TTC17: variants seen among roughly 807,000 people sequenced by gnomAD.
TTC17 encodes tetratricopeptide repeat protein 17.
In TTC17, 58 loss-of-function variants were observed where a neutral mutation model predicts 143.8. That is an observed-to-expected ratio of 0.40 (90% CI 0.33 to 0.50). TTC17 has a LOEUF of 0.50. Ranked by LOEUF, TTC17 falls within the 20% of genes least tolerant of loss-of-function variation. The pLI, the probability that TTC17 is intolerant of heterozygous loss-of-function variation, is 0.49. For synonymous variants in TTC17, 501 were observed against 497.8 expected, an observed-to-expected ratio of 1.01 and a Z score of -0.09; for missense variants, 1,273 against 1,392.5, an observed-to-expected ratio of 0.91 and a Z score of 1.37.
chr11:43,442,814 C>T (rs530038792), intron 16 of TTC17, among the ~76,000 whole-genome samples: 1 of 152,144 alleles, frequency 6.6e-6, no homozygotes, highest in Non-Finnish European at 1.5e-5. Flanking sequence ...TTTCTTATAT[C>T]AGCCATTTAG....
intron 18 of TTC17, chr11:43,446,164 A>G (rs1947536348): frequency 7.6e-7 from 1 of 1,320,628 alleles, no homozygotes; most frequent in Non-Finnish European, 9.7e-7. Context: ...AACCATGCTC[A>G]TGTTTTTACC....
intron 15 of TTC17, among the ~76,000 whole-genome samples, chr11:43,411,298 CCT>C (rs1858401108): frequency 6.6e-6 from 1 of 152,138 alleles, no homozygotes; most frequent in African/African-American, 2.4e-5. Flanking sequence ...CATTTTCTAT[CCT>C]CTCTGGTTGG....
At position 43,391,852 on chromosome 11, in the gene TTC17, C is replaced by G; in HGVS notation, c.563C>G (p.Pro188Arg). ...CAGGAGAGAGTTAATCTTTCTGCACCTCTGCTACCTAAAGAAGACCCAATC... is the reference window on the plus strand; with the variant it reads ...CAGGAGAGAGTTAATCTTTCTGCACGTCTGCTACCTAAAGAAGACCCAATC... ...GVQERVNLSA[P>R]LLPKEDPIFT... Residue 188 changes from proline (P) to arginine (R), a missense_variant, in exon 5 of 24, where the codon CCT becomes CGT. By Grantham distance (103) the Pro-to-Arg change is moderately radical. This residue lies in a region of TTC17 where 325 missense variants were observed against 444.2 expected (regional missense o/e 0.73). Coordinates refer to ENST00000039989, the MANE Select transcript of TTC17 (RefSeq NM_018259.6). 1 of 1,613,672 alleles carries G rather than the reference C, an allele frequency of 6.2e-7. No individual in the cohort carries two copies. The highest frequency in any genetic ancestry group is 8.5e-7 in the Non-Finnish European group (1 of 1,179,898).
intron 16 of TTC17, among the ~76,000 whole-genome samples, chr11:43,417,151 C>A (rs868456236): frequency 6.6e-6 from 1 of 152,038 alleles, no homozygotes; most frequent in Non-Finnish European, 1.5e-5. Flanking sequence ...TTCATAGTTA[C>A]TTTGCTGACT....
At chr11:43,450,525 A>T (rs1050616410) in intron 20 of TTC17, among the ~76,000 whole-genome samples, 3 of 152,186 alleles carry the variant, frequency 2.0e-5, no homozygotes, top group Non-Finnish European at 4.4e-5. Flanking sequence ...AGAAAAATGT[A>T]TGGGGCAGTT....
chr11:43,386,798 C>G (rs1482771016), intron 2 of TTC17, among the ~76,000 whole-genome samples: 1 of 144,734 alleles, frequency 6.9e-6, no homozygotes, highest in East Asian at 2.0e-4. Context: ...TTTATTTATT[C>G]ATTTTTGTGA....
At chr11:43,427,097 C>T (rs1056076229) in intron 16 of TTC17, among the ~76,000 whole-genome samples, 4 of 152,136 alleles carry the variant, frequency 2.6e-5, no homozygotes, top group African/African-American at 9.7e-5. Flanking sequence ...GTTTAAATAT[C>T]ATACTTACTA....
chr11:43,397,899 T>C (rs1310028197), intron 7 of TTC17, 75 bp from the exon 8 acceptor site: 38 of 1,487,372 alleles, frequency 2.6e-5, no homozygotes, highest in Non-Finnish European at 3.1e-5. Context: ...CATTTTTTTT[T>C]CCGTGTGTGT....
intron 10 of TTC17, among the ~76,000 whole-genome samples, chr11:43,402,016 TAAATAAATA>T (rs1857883525): frequency 7.5e-6 from 1 of 133,024 alleles, no homozygotes; most frequent in Non-Finnish European, 1.5e-5. Context: ...AATAAATAAA[TAAATAAATA>T]AATAAAGAGC....
At chr11:43,390,671 A>G (rs1192783668) in intron 3 of TTC17, among the ~76,000 whole-genome samples, 3 of 151,524 alleles carry the variant, frequency 2.0e-5, no homozygotes, top group African/African-American at 7.2e-5. Context: ...ATGAAAAATA[A>G]AAAAGAGAAA....
intron 23 of TTC17, among the ~76,000 whole-genome samples, chr11:43,493,118 A>T (rs557210613): frequency 1.3e-5 from 2 of 152,302 alleles, no homozygotes; most frequent in Admixed American, 1.3e-4. Context: ...ACGAGGACTT[A>T]TGTCTCTCAT....
At chr11:43,394,205 A>C (rs1473469828) in intron 5 of TTC17, among the ~76,000 whole-genome samples, 3 of 152,220 alleles carry the variant, frequency 2.0e-5, no homozygotes, top group Non-Finnish European at 2.9e-5. Context: ...CCTGGTGAGC[A>C]AGAGGAAGGA....
intron 15 of TTC17, among the ~76,000 whole-genome samples, chr11:43,414,022 A>G (rs1050585808): frequency 6.6e-6 from 1 of 152,240 alleles, no homozygotes; most frequent in Admixed American, 6.5e-5. Context: ...AATAGACGAA[A>G]GTGGAAATAG....
At chr11:43,428,750 A>G (rs1947086192) in intron 16 of TTC17, among the ~76,000 whole-genome samples, 1 of 152,200 alleles carries the variant, frequency 6.6e-6, no homozygotes, top group Non-Finnish European at 1.5e-5. Flanking sequence ...ACAGAATTTA[A>G]CTCCAGAATA....
intron 21 of TTC17, among the ~76,000 whole-genome samples, chr11:43,469,159 C>T (rs1242654726): frequency 6.6e-6 from 1 of 151,982 alleles, no homozygotes; most frequent in Non-Finnish European, 1.5e-5. Flanking sequence ...AAACAAAACC[C>T]CAGTGAAATA....
intron 18 of TTC17, among the ~76,000 whole-genome samples, chr11:43,447,187 A>G: frequency 6.6e-6 from 1 of 152,298 alleles, no homozygotes; most frequent in South Asian, 2.1e-4. Flanking sequence ...GCTGTCTCTA[A>G]CTTAAAAAAA....
chr11:43,443,318 A>G lies in TTC17; in HGVS notation c.2252-7A>G. ...CTTTTACTAACGTGCTGGCCCTTGA[A>G]TTTCAGGTACGGTGGTTGAGGAGAG... On this transcript the variant is annotated splice_region_variant and splice_polypyrimidine_tract_variant and intron_variant, in intron 16 of 23. Transcript: ENST00000039989. 1.2e-6 allele frequency: 2 copies of G among 1,613,654 alleles called. No homozygotes were observed. The highest frequency in any genetic ancestry group is 1.6e-4 in the Middle Eastern group (1 of 6,062).
chr11:43,406,064 A>C, intron 13 of TTC17, 113 bp downstream of exon 13: 1 of 1,247,924 alleles, frequency 8.0e-7, no homozygotes, highest in South Asian at 1.6e-5. Context: ...AAGTGTATAA[A>C]ATGGAAGGAT....
intron 2 of TTC17, among the ~76,000 whole-genome samples, chr11:43,382,638 C>A (rs1263988028): frequency 2.0e-5 from 3 of 152,100 alleles, no homozygotes; most frequent in Non-Finnish European, 4.4e-5. Flanking sequence ...TAATTTGTTT[C>A]CTTTGTCTTT....
Sources: allele counts gnomAD v4.1 joint callset (sites outside exome capture counted in the v4.1 genomes callset), GRCh38; gene constraint gnomAD v4.1.1; regional missense constraint gnomAD v4.1.1; transcripts MANE v1.5; gene names NCBI Gene and HGNC (gene_info 2026-07-23, HGNC 2026-07-21).